The following TBX15 variants were observed in gnomAD, a reference collection of about 807,000 sequenced individuals.
The protein encoded by TBX15 is T-box transcription factor TBX15.
A neutral mutation model predicts 53.9 loss-of-function variants in TBX15; 18 were observed. The observed-to-expected ratio is 0.33, with a 90% CI of 0.23 to 0.49. The LOEUF (loss-of-function observed/expected upper bound fraction) is 0.49, where lower values mean the gene tolerates loss of function less well. Ranked by LOEUF, TBX15 falls within the 20% of genes least tolerant of loss-of-function variation. The pLI, the probability that TBX15 is intolerant of heterozygous loss-of-function variation, is 0.98. For synonymous variants in TBX15, 295 were observed against 278.0 expected, an observed-to-expected ratio of 1.06 and a Z score of -0.61; for missense variants, 692 against 749.5, an observed-to-expected ratio of 0.92 and a Z score of 0.90.
intron 1 of TBX15, among the ~76,000 whole-genome samples, chr1:118,984,792 C>T (rs1053792644): frequency 3.9e-5 from 6 of 152,270 alleles, no homozygotes; most frequent in African/African-American, 1.2e-4. Context: ...GAAACGCTTT[C>T]GAAATACATA....
At chr1:118,935,571 C>T (rs192302922) in intron 1 of TBX15, among the ~76,000 whole-genome samples, 16 of 152,242 alleles carry the variant, frequency 1.1e-4, no homozygotes, top group African/African-American at 3.8e-4. Context: ...AAGTAACCTG[C>T]GCTGAGCCAG....
At chr1:118,936,335 A>G (rs1655964637) in intron 1 of TBX15, among the ~76,000 whole-genome samples, 2 of 152,176 alleles carry the variant, frequency 1.3e-5, no homozygotes, top group Admixed American at 1.3e-4. Flanking sequence ...CTTAATATCC[A>G]AATTAGACAT....
At chr1:118,944,395 G>C (rs1195927445) in intron 1 of TBX15, among the ~76,000 whole-genome samples, 2 of 152,176 alleles carry the variant, frequency 1.3e-5, no homozygotes, top group Non-Finnish European at 2.9e-5. Flanking sequence ...GACTCCTTGA[G>C]TCATCCTCAC....
At chr1:118,967,446 A>T (rs944142956) in intron 1 of TBX15, among the ~76,000 whole-genome samples, 1 of 152,166 alleles carries the variant, frequency 6.6e-6, no homozygotes, top group African/African-American at 2.4e-5. Flanking sequence ...ATGATTTAAA[A>T]TGATGTGTTT....
At chr1:118,951,774 G>A (rs1656522089) in intron 1 of TBX15, among the ~76,000 whole-genome samples, 1 of 152,178 alleles carries the variant, frequency 6.6e-6, no homozygotes, top group South Asian at 2.1e-4. Flanking sequence ...TGATGTTAGT[G>A]TCCCAGCCCT....
At chr1:118,933,777 T>A (rs995759632) in intron 1 of TBX15, among the ~76,000 whole-genome samples, 4 of 152,196 alleles carry the variant, frequency 2.6e-5, no homozygotes, top group African/African-American at 9.7e-5. Context: ...TCATGAATAC[T>A]GTAAATTTTT....
At chr1:118,891,798 T>A (rs955074058) in intron 7 of TBX15, among the ~76,000 whole-genome samples, 7 of 152,170 alleles carry the variant, frequency 4.6e-5, no homozygotes, top group Non-Finnish European at 1.5e-5. Flanking sequence ...GAGTTGATGA[T>A]CTTTTATGGG....
At chr1:118,986,949 G>C (rs1168603119) in intron 1 of TBX15, among the ~76,000 whole-genome samples, 1 of 152,118 alleles carries the variant, frequency 6.6e-6, no homozygotes, top group Non-Finnish European at 1.5e-5. Context: ...AATATACATG[G>C]GTTACTGTAG....
At chr1:118,972,048 T>C (rs1012916621) in intron 1 of TBX15, among the ~76,000 whole-genome samples, 11 of 152,226 alleles carry the variant, frequency 7.2e-5, no homozygotes, top group Admixed American at 3.3e-4. Context: ...ATTTGTACAA[T>C]CTTGGCTACA....
At chr1:118,917,692 T>A (rs192316542) in intron 5 of TBX15, among the ~76,000 whole-genome samples, 1 of 152,338 alleles carries the variant, frequency 6.6e-6, no homozygotes, top group African/African-American at 2.4e-5. Context: ...TTGACTGAAC[T>A]ATTCTATGTA....
At chr1:118,917,067 G>A (rs1207111083) in intron 5 of TBX15, among the ~76,000 whole-genome samples, 2 of 151,906 alleles carry the variant, frequency 1.3e-5, no homozygotes, top group African/African-American at 2.4e-5. Flanking sequence ...TCTTATTACT[G>A]GATATATACC....
intron 7 of TBX15, among the ~76,000 whole-genome samples, chr1:118,895,431 A>C (rs1295039982): frequency 6.6e-6 from 1 of 152,220 alleles, no homozygotes; most frequent in African/African-American, 2.4e-5. Context: ...AAATAGCTCC[A>C]TTATATACAT....
chr1:118,884,732 T>C lies in TBX15; in HGVS notation c.1809A>G (p.Ter603=). Residue 603 remains the stop codon, a stop_retained_variant, in exon 8 of 8, where the codon TAA becomes TAG. Transcript: ENST00000369429. ...SSSQMSVHMV[*] ...TGCTCCGTGGTGTTTGGACTGGCCT[T>C]TAAACCATGTGCACGGACATCTGGG... 1 of 1,614,040 alleles carries C rather than the reference T, an allele frequency of 6.2e-7. No homozygotes were observed. Among genetic ancestry groups the C allele is most frequent in the Non-Finnish European group, 8.5e-7 (1 of 1,179,998 alleles).
upstream of TBX15, among the ~76,000 whole-genome samples, chr1:118,988,641 C>T (rs539915883): frequency 9.2e-5 from 14 of 152,198 alleles, no homozygotes; most frequent in East Asian, 1.9e-4. Context: ...ATCTGCTGGT[C>T]TCATAGACGC....
chr1:118,944,362 A>G (rs1656278508), intron 1 of TBX15, among the ~76,000 whole-genome samples: 1 of 152,112 alleles, frequency 6.6e-6, no homozygotes, highest in Admixed American at 6.5e-5. Flanking sequence ...CAAAGTGAAC[A>G]TGTTATTCTT....
chr1:118,907,228 AT>A (rs1247672228), intron 6 of TBX15, among the ~76,000 whole-genome samples: 2 of 152,184 alleles, frequency 1.3e-5, no homozygotes, highest in African/African-American at 4.8e-5. Context: ...GCTGTACTAG[AT>A]GCAATGGAGG....
chr1:118,927,444 TC>T (rs1199242247), intron 2 of TBX15, among the ~76,000 whole-genome samples: 1 of 152,188 alleles, frequency 6.6e-6, no homozygotes, highest in Non-Finnish European at 1.5e-5. Flanking sequence ...AAAAATAGTC[TC>T]TCAAGTGTAA....
intron 1 of TBX15, among the ~76,000 whole-genome samples, chr1:118,970,004 C>T (rs1276109825): frequency 1.3e-5 from 2 of 152,170 alleles, no homozygotes; most frequent in African/African-American, 4.8e-5. Flanking sequence ...AGTGAGTTCT[C>T]ACAATATCTT....
chr1:118,972,656 C>T (rs115854466), intron 1 of TBX15, among the ~76,000 whole-genome samples: 2,107 of 152,016 alleles, frequency 0.014, 40 homozygotes, highest in African/African-American at 0.049. Flanking sequence ...TGGAGTGTAG[C>T]GGCGCAATCT....
Sources: allele counts gnomAD v4.1 joint callset (sites outside exome capture counted in the v4.1 genomes callset), GRCh38; gene constraint gnomAD v4.1.1; transcripts MANE v1.5; gene names NCBI Gene and HGNC (gene_info 2026-07-23, HGNC 2026-07-21).